The following SRGAP1 variants were observed in gnomAD, a reference collection of about 807,000 sequenced individuals.
The protein encoded by SRGAP1 is SLIT-ROBO Rho GTPase activating protein 1.
SRGAP1 carries 43 observed loss-of-function variants against 121.9 expected under a neutral mutation model. That is an observed-to-expected ratio of 0.35 (90% CI 0.28 to 0.46). The LOEUF (loss-of-function observed/expected upper bound fraction) is 0.46. Among genes scored for constraint, SRGAP1 ranks in the 20% least tolerant of loss-of-function variants. The probability of loss-of-function intolerance (pLI) is 1.00; values close to 1 mark genes in which losing one functional copy is unlikely to be tolerated. For missense variants in SRGAP1, 1,102 were observed against 1,350.9 expected (o/e 0.82, Z 2.89); for synonymous variants, 447 against 485.4 (o/e 0.92, Z 1.04).
At chr12:64,017,048 T>C (rs574857026) in intron 4 of SRGAP1, 36 bp downstream of exon 4, 7 of 1,245,244 alleles carry the variant, frequency 5.6e-6, no homozygotes, top group Non-Finnish European at 8.0e-6. Context: ...CTAGAATCCT[T>C]GGGTTAGAAT....
At chr12:64,022,276 T>G (rs990464802) in intron 4 of SRGAP1, among the ~76,000 whole-genome samples, 1 of 151,858 alleles carries the variant, frequency 6.6e-6, no homozygotes, top group Non-Finnish European at 1.5e-5. Context: ...GCCAGGAGGG[T>G]TAATGGTATA....
chr12:63,883,346 ATT>A (rs1491148704), intron 1 of SRGAP1, among the ~76,000 whole-genome samples: 1,708 of 152,288 alleles, frequency 0.011, 11 homozygotes, highest in Non-Finnish European at 0.018. Flanking sequence ...AGCAAAGGTG[ATT>A]TACCTAGGTA....
At chr12:64,020,321 A>G (rs1176698526) in intron 4 of SRGAP1, among the ~76,000 whole-genome samples, 1 of 152,230 alleles carries the variant, frequency 6.6e-6, no homozygotes, top group Non-Finnish European at 1.5e-5. Flanking sequence ...AATAGAGCAC[A>G]GGTTGTGTGG....
At chr12:64,006,512 G>T (rs1025179882) in intron 3 of SRGAP1, among the ~76,000 whole-genome samples, 1 of 152,082 alleles carries the variant, frequency 6.6e-6, no homozygotes, top group Non-Finnish European at 1.5e-5. Context: ...TTGAGGAATT[G>T]GTATGTTGTT....
chr12:64,020,226 G>A (rs2034508485), intron 4 of SRGAP1, among the ~76,000 whole-genome samples: 1 of 152,154 alleles, frequency 6.6e-6, no homozygotes, highest in South Asian at 2.1e-4. Context: ...TTATACGTTA[G>A]AGTGAACCTA....
At chr12:64,062,269 G>A (rs1050656373) in intron 6 of SRGAP1, among the ~76,000 whole-genome samples, 2 of 152,060 alleles carry the variant, frequency 1.3e-5, no homozygotes, top group East Asian at 1.9e-4. Flanking sequence ...GCATTTCTCC[G>A]ATTATCATTA....
intron 10 of SRGAP1, chr12:64,081,789 A>G (rs1229371945): frequency 6.6e-6 from 1 of 151,950 alleles, no homozygotes; most frequent in East Asian, 1.9e-4. Flanking sequence ...TAAAAAAAAA[A>G]AGAGGGAGAG....
intron 3 of SRGAP1, among the ~76,000 whole-genome samples, chr12:64,001,999 G>A (rs1157645134): frequency 6.6e-6 from 1 of 152,158 alleles, no homozygotes; most frequent in East Asian, 1.9e-4. Context: ...GTAGTTTGGG[G>A]AAGAAGACCA....
chr12:64,059,243 C>T (rs2035401960), intron 6 of SRGAP1, among the ~76,000 whole-genome samples: 1 of 152,122 alleles, frequency 6.6e-6, no homozygotes, highest in South Asian at 2.1e-4. Context: ...ATATTTATTT[C>T]CCCAAAGAAG....
At chr12:63,976,519 C>T (rs2033100489) in intron 1 of SRGAP1, among the ~76,000 whole-genome samples, 1 of 152,180 alleles carries the variant, frequency 6.6e-6, no homozygotes, top group African/African-American at 2.4e-5. Context: ...TCTGCTTCCT[C>T]ACTGAGAATG....
rs551036447 is a variant in SRGAP1, at chr12:64,059,845, G to A, written c.802-3072G>A. Among the ~76,000 whole-genome samples the A allele has an allele frequency of 6.6e-4, 100 of 152,268 alleles. 1 individual carries two copies. Among genetic ancestry groups the A allele is most frequent in the African/African-American group, 2.2e-3 (90 of 41,546 alleles). The stretch of plus-strand genomic sequence containing the variant: ...GAGTGCAGCTGATTCCACTGGAAAT[G>A]TATTAATGATGAGACTGATTGCTGC... On this transcript the variant is annotated intron_variant, in intron 6 of 21. Transcript: ENST00000355086.
At chr12:64,125,297 A>C (rs968706795) in intron 18 of SRGAP1, among the ~76,000 whole-genome samples, 1 of 152,116 alleles carries the variant, frequency 6.6e-6, no homozygotes, top group Non-Finnish European at 1.5e-5. Context: ...AAAATTTTGC[A>C]TCTGTTTTTT....
At chr12:63,880,514 G>A (rs1175705947) in intron 1 of SRGAP1, among the ~76,000 whole-genome samples, 1 of 152,084 alleles carries the variant, frequency 6.6e-6, no homozygotes, top group Non-Finnish European at 1.5e-5. Context: ...TATTACAGGC[G>A]TGAGCCACCA....
chr12:64,146,612 C>G lies in SRGAP1; in HGVS notation c.*3940C>G, dbSNP rs1019964089. 7.9e-5 allele frequency: 12 copies of G among 152,056 alleles called. No individual in the cohort carries two copies. Among genetic ancestry groups the G allele is most frequent in the Admixed American group, 6.6e-4 (10 of 15,256 alleles). 9.4% of individuals were successfully genotyped at this position (152,056 alleles called of 1,614,324 possible). A position where few individuals can be genotyped will look rare whatever the true frequency, so the allele number is the denominator to read the frequency against. On this transcript the variant is annotated 3_prime_UTR_variant, in exon 22 of 22. Coordinates refer to ENST00000355086, the MANE Select transcript of SRGAP1 (RefSeq NM_020762.4). The stretch of plus-strand genomic sequence containing the variant: ...GATTCCTGACCATAGCAGTGAGAGG[C>G]CATTTTTTGTGCAGGAAATGTGCTT...
intron 16 of SRGAP1, among the ~76,000 whole-genome samples, chr12:64,110,797 G>T (rs543653817): frequency 6.6e-6 from 1 of 152,244 alleles, no homozygotes; most frequent in African/African-American, 2.4e-5. Context: ...TGGAAATTAT[G>T]CTTTTGTATT....
At position 64,102,574 on chromosome 12, in the gene SRGAP1, C is replaced by A. The variant is rs1168264174; in HGVS notation, c.1813+5199C>A. On this transcript the variant is annotated intron_variant, in intron 15 of 21. Coordinates refer to ENST00000355086, the MANE Select transcript of SRGAP1 (RefSeq NM_020762.4). ...GCAATTACTCCCCGTTTACTCATAA[C>A]CACCACCACCCCCGGCCCTAGGCAA... Among the ~76,000 whole-genome samples the A allele has an allele frequency of 5.3e-5, 8 of 152,254 alleles. No homozygotes were observed. The South Asian group carries it at 1.7e-3, about 32-fold the overall frequency.
At chr12:63,949,951 C>T (rs973465289) in intron 1 of SRGAP1, among the ~76,000 whole-genome samples, 1 of 152,188 alleles carries the variant, frequency 6.6e-6, no homozygotes, top group Non-Finnish European at 1.5e-5. Flanking sequence ...TTTTGAATTT[C>T]ATAATTCTAG....
At position 63,895,608 on chromosome 12, in the gene SRGAP1, A is replaced by C. The variant is rs74099356; in HGVS notation, c.67+50725A>C. On this transcript the variant is annotated intron_variant, in intron 1 of 21. Coordinates refer to ENST00000355086, the MANE Select transcript of SRGAP1 (RefSeq NM_020762.4). The stretch of plus-strand genomic sequence containing the variant: ...ATACCTGAATTTGAACTCCACATTC[A>C]CGACTTGCCTTGTTCTATAAGCTGT... Among the ~76,000 whole-genome samples, 328 of 152,290 alleles carry C rather than the reference A, an allele frequency of 2.2e-3. 2 individuals carry two copies. The highest frequency in any genetic ancestry group is 7.5e-3 in the African/African-American group (311 of 41,568).
rs755642722 is a variant in SRGAP1, at chr12:64,128,167, C to A, written c.2847C>A (p.Asp949Glu). The A allele has an allele frequency of 6.3e-5, 102 of 1,613,174 alleles. No homozygotes were observed. The South Asian group carries it at 8.7e-4, about 14-fold the overall frequency. ...CAGGGCAATACACGGGCTTCAATGACCACAAGCCACTGGACCCAGAGACAA... is the reference window on the plus strand; with the variant it reads ...CAGGGCAATACACGGGCTTCAATGAACACAAGCCACTGGACCCAGAGACAA... ...TSSGQYTGFNDHKPLDPETIA... is the reference protein window; with the variant it reads ...TSSGQYTGFNEHKPLDPETIA... Residue 949 changes from aspartate to glutamate, a missense_variant, in exon 21 of 22, where the codon GAC becomes GAA. By Grantham distance (45) the Asp-to-Glu change is conservative. This residue lies in a region of SRGAP1 where 315 missense variants were observed against 343.1 expected (regional missense o/e 0.92). Transcript: ENST00000355086.
Sources: gnomAD v4.1 joint callset for allele counts (sites outside exome capture counted in the v4.1 genomes callset) on GRCh38, gnomAD v4.1.1 for gene constraint, gnomAD v4.1.1 regional missense constraint, MANE v1.5 for transcripts, NCBI Gene and HGNC (gene_info 2026-07-23, HGNC 2026-07-21) for gene names.